Variants in OPCML observed in about 807,000 individuals in gnomAD.
OPCML encodes the protein opioid-binding protein/cell adhesion molecule.
Under a neutral mutation model 37.8 loss-of-function variants are expected in OPCML, and 13 were observed. The observed-to-expected ratio is 0.34, with a 90% confidence interval of 0.22 to 0.55. The LOEUF is 0.55. OPCML is among the 20% of genes least tolerant of loss of function. The probability of loss-of-function intolerance (pLI) is 0.91; values close to 1 mark genes in which losing one functional copy is unlikely to be tolerated. For missense variants in OPCML, 341 were observed against 435.6 expected (o/e 0.78, Z 1.93); for synonymous variants, 176 against 168.8 (o/e 1.04, Z -0.33).
chr11:132,748,397 C>T (rs921079151), intron 2 of OPCML, among the ~76,000 whole-genome samples: 2 of 152,128 alleles, frequency 1.3e-5, no homozygotes, highest in Admixed American at 6.5e-5. Flanking sequence ...GAGACACAGC[C>T]GTGACTACAA....
intron 2 of OPCML, among the ~76,000 whole-genome samples, chr11:132,748,447 G>T (rs1038305118): frequency 6.6e-6 from 1 of 152,190 alleles, no homozygotes; most frequent in African/African-American, 2.4e-5. Flanking sequence ...TCTAGTGGGA[G>T]AGTTAGATTT....
chr11:132,637,276 T>C (rs1940565420), intron 3 of OPCML, among the ~76,000 whole-genome samples: 1 of 152,104 alleles, frequency 6.6e-6, no homozygotes, highest in Non-Finnish European at 1.5e-5. Flanking sequence ...TTTCCAATCC[T>C]GGCAGATCGG....
chr11:132,946,535 G>A (rs1945748373), intron 1 of OPCML, among the ~76,000 whole-genome samples: 1 of 152,200 alleles, frequency 6.6e-6, no homozygotes, highest in African/African-American at 2.4e-5. Context: ...TGGCTACAGT[G>A]TCACTGGAGG....
intron 1 of OPCML, among the ~76,000 whole-genome samples, chr11:133,252,425 A>G (rs988937498): frequency 2.0e-5 from 3 of 152,130 alleles, no homozygotes; most frequent in African/African-American, 7.2e-5. Context: ...TTTATTTTCA[A>G]ATTTCTGTTG....
intron 1 of OPCML, among the ~76,000 whole-genome samples, chr11:133,158,662 T>G (rs1353843870): frequency 6.7e-6 from 1 of 150,020 alleles, no homozygotes; most frequent in Non-Finnish European, 1.5e-5. Flanking sequence ...ATCACGCCAC[T>G]GCACTCCAGC....
chr11:132,661,666 A>G (rs1941982507), intron 2 of OPCML, among the ~76,000 whole-genome samples: 1 of 152,242 alleles, frequency 6.6e-6, no homozygotes, highest in South Asian at 2.1e-4. Flanking sequence ...AAATTATTTC[A>G]GATATTTAAA....
At chr11:132,602,283 G>A (rs1190857314) in intron 3 of OPCML, among the ~76,000 whole-genome samples, 2 of 152,088 alleles carry the variant, frequency 1.3e-5, no homozygotes, top group East Asian at 1.9e-4. Flanking sequence ...AATTACCATC[G>A]ACACCATATA....
intron 1 of OPCML, among the ~76,000 whole-genome samples, chr11:133,238,191 T>A (rs1398880291): frequency 6.6e-6 from 1 of 152,292 alleles, no homozygotes; most frequent in Admixed American, 6.5e-5. Flanking sequence ...CAGTCCCGGA[T>A]AGCAGGACCA....
intron 4 of OPCML, among the ~76,000 whole-genome samples, chr11:132,485,482 G>A (rs2096196865): frequency 6.6e-6 from 1 of 152,198 alleles, no homozygotes; most frequent in African/African-American, 2.4e-5. Flanking sequence ...TCCCAGTTAA[G>A]AAATAGCATG....
chr11:133,046,827 A>C (rs1948026402), intron 1 of OPCML, among the ~76,000 whole-genome samples: 1 of 152,214 alleles, frequency 6.6e-6, no homozygotes, highest in East Asian at 1.9e-4. Flanking sequence ...AAATATTCAT[A>C]AACATATCAA....
intron 2 of OPCML, among the ~76,000 whole-genome samples, chr11:132,834,209 C>A (rs1250470740): frequency 1.3e-5 from 2 of 152,130 alleles, no homozygotes; most frequent in Non-Finnish European, 2.9e-5. Context: ...GGAGATAGAG[C>A]CAAAATACCT....
intron 2 of OPCML, among the ~76,000 whole-genome samples, chr11:132,778,965 T>TC (rs1946900733): frequency 7.0e-6 from 1 of 142,404 alleles, no homozygotes; most frequent in Non-Finnish European, 1.5e-5. Flanking sequence ...ATATTTCTTT[T>TC]TTTTTTTTTT....
chr11:132,487,183 G>A (rs1244397765), intron 4 of OPCML, among the ~76,000 whole-genome samples: 4 of 152,176 alleles, frequency 2.6e-5, no homozygotes, highest in African/African-American at 4.8e-5. Flanking sequence ...AGAAAAACAG[G>A]TTGACTCGGG....
At chr11:133,466,827 G>GACAGGC (rs1304966522) in intron 1 of OPCML, among the ~76,000 whole-genome samples, 1 of 152,210 alleles carries the variant, frequency 6.6e-6, no homozygotes, top group Non-Finnish European at 1.5e-5. Context: ...TAACAGACAA[G>GACAGGC]ACAGGCGGTA....
chr11:133,232,132 G>A (rs1940305364), intron 1 of OPCML, among the ~76,000 whole-genome samples: 1 of 152,176 alleles, frequency 6.6e-6, no homozygotes, highest in Non-Finnish European at 1.5e-5. Flanking sequence ...CATAGCAGAA[G>A]GCATGACCCA....
intron 1 of OPCML, among the ~76,000 whole-genome samples, chr11:133,289,324 G>T (rs1044118922): frequency 2.8e-4 from 43 of 152,070 alleles, no homozygotes; most frequent in Non-Finnish European, 5.0e-4. Context: ...GGCCGGGCGC[G>T]GTGGCTCACG....
chr11:133,204,341 C>T (rs1406122979), intron 1 of OPCML, among the ~76,000 whole-genome samples: 1 of 152,170 alleles, frequency 6.6e-6, no homozygotes, highest in East Asian at 1.9e-4. Flanking sequence ...TCCTCCCTGA[C>T]TCTTAAACCT....
intron 1 of OPCML, among the ~76,000 whole-genome samples, chr11:133,468,219 G>A (rs1021146879): frequency 6.6e-6 from 1 of 152,180 alleles, no homozygotes; most frequent in Non-Finnish European, 1.5e-5. Flanking sequence ...ACCTCTCCAG[G>A]GTCCCATGGC....
chr11:133,238,180 A>G (rs1940594914), intron 1 of OPCML, among the ~76,000 whole-genome samples: 1 of 152,130 alleles, frequency 6.6e-6, no homozygotes, highest in African/African-American at 2.4e-5. Context: ...GCTGTGAGTG[A>G]CAGTCCCGGA....
Sources: gnomAD v4.1 joint callset for allele counts (sites outside exome capture counted in the v4.1 genomes callset) on GRCh38, gnomAD v4.1.1 for gene constraint, MANE v1.5 for transcripts, NCBI Gene and HGNC (gene_info 2026-07-23, HGNC 2026-07-21) for gene names.